HDAC9: variants seen among roughly 807,000 people sequenced by gnomAD.
HDAC9 encodes the protein MEF-2 interacting transcription repressor (MITR) protein.
In HDAC9, 41 loss-of-function variants were observed where a neutral mutation model predicts 139.4. That is an observed-to-expected ratio of 0.29 (90% CI 0.23 to 0.38). The LOEUF is 0.38. Ranked by LOEUF, HDAC9 falls within the 10% of genes least tolerant of loss-of-function variation. HDAC9 has a pLI of 1.00. For synonymous variants in HDAC9, 517 were observed against 476.2 expected (o/e 1.09, Z -1.12); for missense variants, 1,147 against 1,297.0 (o/e 0.88, Z 1.78).
intron 14 of HDAC9, among the ~76,000 whole-genome samples, chr7:18,750,031 T>C (rs1429536254): frequency 6.6e-6 from 1 of 152,198 alleles, no homozygotes; most frequent in Non-Finnish European, 1.5e-5. Context: ...GTCAACAAAA[T>C]TCCTATTCAA....
rs372232056 is a variant in HDAC9 at position 18,806,284 on chromosome 7, A to T, written c.2322+12832A>T. On this transcript the variant is annotated intron_variant, in intron 17 of 25. Coordinates refer to ENST00000686413, the MANE Select transcript of HDAC9 (RefSeq NM_178425.4). ...AAAACAATGCAAATTTATTCTTTTC[A>T]GTCCTGGAAGTCTTTTGACAGGACT... 5.3e-5 allele frequency among the ~76,000 whole-genome samples: 8 copies of T among 152,354 alleles called. No individual in the cohort carries two copies. The East Asian group carries it at 5.8e-4, about 11-fold the overall frequency.
chr7:18,144,327 G>A (rs1164184246), intron 1 of HDAC9, among the ~76,000 whole-genome samples: 1 of 152,146 alleles, frequency 6.6e-6, no homozygotes, highest in African/African-American at 2.4e-5. Flanking sequence ...CTTTGTTCCT[G>A]ATTACTGTAA....
chr7:18,206,685 G>T (rs903050591), intron 2 of HDAC9, among the ~76,000 whole-genome samples: 1 of 152,002 alleles, frequency 6.6e-6, no homozygotes, highest in South Asian at 2.1e-4. Flanking sequence ...AAAATAATAA[G>T]GGTACACACA....
intron 2 of HDAC9, among the ~76,000 whole-genome samples, chr7:18,178,307 A>T (rs1789112853): frequency 6.6e-6 from 1 of 152,308 alleles, no homozygotes; most frequent in South Asian, 2.1e-4. Flanking sequence ...CTTGTCTCGA[A>T]CTTCTGACCT....
At chr7:18,407,164 ATC>A (rs1423543981) in intron 1 of HDAC9, among the ~76,000 whole-genome samples, 6 of 152,082 alleles carry the variant, frequency 3.9e-5, no homozygotes, top group African/African-American at 1.2e-4. Flanking sequence ...GATCTTATTT[ATC>A]TCTCAGTCTG....
At chr7:18,900,651 T>TTA (rs1801619361) in intron 22 of HDAC9, among the ~76,000 whole-genome samples, 1 of 152,102 alleles carries the variant, frequency 6.6e-6, no homozygotes, top group African/African-American at 2.4e-5. Flanking sequence ...GCCACAAACT[T>TTA]TAGCCAATAT....
intron 16 of HDAC9, among the ~76,000 whole-genome samples, chr7:18,774,712 C>A (rs1237047160): frequency 6.6e-6 from 1 of 152,078 alleles, no homozygotes; most frequent in African/African-American, 2.4e-5. Flanking sequence ...TTGGGTTGAT[C>A]TTCTGTCTAG....
At chr7:18,836,021 A>T (rs1298259165) in intron 21 of HDAC9, 24 bp downstream of exon 21, 1 of 1,370,362 alleles carries the variant, frequency 7.3e-7, no homozygotes, top group Non-Finnish European at 1.0e-6. Flanking sequence ...TCTCTCTGAA[A>T]GTGGCAAATT....
At chr7:18,919,284 T>C (rs1395849962) in intron 22 of HDAC9, among the ~76,000 whole-genome samples, 1 of 152,062 alleles carries the variant, frequency 6.6e-6, no homozygotes, top group Non-Finnish European at 1.5e-5. Flanking sequence ...TAACTGTTTA[T>C]ACTTCATCAT....
chr7:18,678,091 G>C (rs751845597), intron 12 of HDAC9, among the ~76,000 whole-genome samples: 14 of 151,800 alleles, frequency 9.2e-5, no homozygotes, highest in Non-Finnish European at 1.5e-4. Context: ...TGGTCTATTT[G>C]TTAGAAATCA....
intron 21 of HDAC9, among the ~76,000 whole-genome samples, chr7:18,842,432 A>G (rs537303588): frequency 1.3e-5 from 2 of 152,248 alleles, no homozygotes; most frequent in South Asian, 4.1e-4. Context: ...AATCAATCTT[A>G]GTAACAAAGC....
At chr7:18,665,380 T>A (rs750241072) in intron 11 of HDAC9, among the ~76,000 whole-genome samples, 3 of 152,132 alleles carry the variant, frequency 2.0e-5, no homozygotes, top group Non-Finnish European at 4.4e-5. Flanking sequence ...TTTCCCCATT[T>A]ATTGAGCTTT....
chr7:18,957,334 A>G (rs1355780617), intron 24 of HDAC9, among the ~76,000 whole-genome samples: 1 of 152,154 alleles, frequency 6.6e-6, no homozygotes, highest in Non-Finnish European at 1.5e-5. Flanking sequence ...AATAAAATCG[A>G]GTGGGTATTT....
intron 6 of HDAC9, among the ~76,000 whole-genome samples, chr7:18,602,090 G>C (rs1326392961): frequency 6.6e-6 from 1 of 151,880 alleles, no homozygotes; most frequent in Admixed American, 6.6e-5. Flanking sequence ...ATTTGGACCT[G>C]GTGCTTTCCT....
chr7:18,170,311 G>C lies in HDAC9; in HGVS notation c.25+7962G>C, dbSNP rs573321277. ...TGCACACTTTTTGATGGGCTGGGTT[G>C]TTTTTTTTCTTGTAAATGTGTTTAA... is the stretch of plus-strand genomic sequence containing the variant. On this transcript the variant is annotated intron_variant, in intron 2 of 12. Transcript: ENST00000417496. Among the ~76,000 whole-genome samples, 4 of 151,938 alleles carry C rather than the reference G, an allele frequency of 2.6e-5. No homozygotes were observed. In the South Asian group the frequency reaches 6.2e-4, roughly 24 times the overall value.
Position 18,647,912 on chromosome 7 carries a change from G to A in HDAC9, c.1163G>A (p.Gly388Glu). ...SSSHPHVTLE[G>E]KPPNSSHQAL... ...AGCCACCCTCATGTTACTTTAGAGG[G>A]AAAGCCACCCAACAGCAGCCACCAG... The change falls in exon 10 of 26, where the codon GGA becomes GAA. Residue 388 changes from glycine to glutamate, a missense_variant. By Grantham distance (98) the Gly-to-Glu change is moderately conservative. Coordinates refer to ENST00000686413, the MANE Select transcript of HDAC9 (RefSeq NM_178425.4). The A allele has an allele frequency of 1.2e-6, 2 of 1,612,948 alleles. No individual in the cohort carries two copies. Among genetic ancestry groups the A allele is most frequent in the Non-Finnish European group, 1.7e-6 (2 of 1,179,482 alleles).
intron 1 of HDAC9, among the ~76,000 whole-genome samples, chr7:18,351,392 C>T (rs1208887475): frequency 2.6e-5 from 4 of 151,948 alleles, no homozygotes; most frequent in Non-Finnish European, 4.4e-5. Flanking sequence ...TTTGATCTCC[C>T]AGAGTTTTAA....
chr7:18,427,370 C>T lies in HDAC9; in HGVS notation c.-41-68892C>T, dbSNP rs139152707. On this transcript the variant is annotated intron_variant, in intron 1 of 3. Transcript: ENST00000413509. ...GTATTCTGGGTTCTCTAGACGTAAACATTTGAATGTTAGGTCTCCTTGCTT... is the reference window on the plus strand; with the variant it reads ...GTATTCTGGGTTCTCTAGACGTAAATATTTGAATGTTAGGTCTCCTTGCTT... Among the ~76,000 whole-genome samples, 91 of 152,210 alleles carry T rather than the reference C, an allele frequency of 6.0e-4. 2 individuals carry two copies. The highest frequency in any genetic ancestry group is 4.2e-3 in the South Asian group (20 of 4,808).
intron 22 of HDAC9, among the ~76,000 whole-genome samples, chr7:18,933,844 T>G (rs764844895): frequency 6.6e-6 from 1 of 151,926 alleles, no homozygotes; most frequent in Non-Finnish European, 1.5e-5. Context: ...AGAACAAAAT[T>G]GGAATTCTAG....
Sources: allele counts gnomAD v4.1 joint callset (sites outside exome capture counted in the v4.1 genomes callset), GRCh38; gene constraint gnomAD v4.1.1; transcripts MANE v1.5; gene names NCBI Gene and HGNC (gene_info 2026-07-23, HGNC 2026-07-21).